The following ST8SIA6 variants were observed in gnomAD, a reference collection of about 807,000 sequenced individuals.
ST8SIA6 encodes the protein ST8 alpha-N-acetyl-neuraminide alpha-2,8-sialyltransferase 6.
In ST8SIA6, 39 loss-of-function variants were observed where a neutral mutation model predicts 33.6. The ratio of observed to expected loss-of-function variants is 1.16; its 90% CI spans 0.90 to 1.52. The LOEUF (loss-of-function observed/expected upper bound fraction) is 1.52, where lower values mean the gene tolerates loss of function less well. ST8SIA6 is among the 40% of genes most tolerant of loss of function. The probability of loss-of-function intolerance (pLI) is 0.00; values close to 1 mark genes in which losing one functional copy is unlikely to be tolerated. For missense variants in ST8SIA6, 441 were observed against 443.8 expected, an observed-to-expected ratio of 0.99 and a Z score of 0.06; for synonymous variants, 172 against 167.2, an observed-to-expected ratio of 1.03 and a Z score of -0.22.
At chr10:17,417,865 A>G (rs1851652573) in intron 2 of ST8SIA6, among the ~76,000 whole-genome samples, 1 of 152,156 alleles carries the variant, frequency 6.6e-6, no homozygotes, top group Admixed American at 6.5e-5. Context: ...GAGGGGTAAG[A>G]CTTGGAGAAA....
chr10:17,450,104 C>G (rs1028388116), intron 2 of ST8SIA6, among the ~76,000 whole-genome samples: 1 of 152,172 alleles, frequency 6.6e-6, no homozygotes, highest in African/African-American at 2.4e-5. Flanking sequence ...TAGCTAGCAA[C>G]AGCTGAGTGA....
intron 2 of ST8SIA6, among the ~76,000 whole-genome samples, chr10:17,444,955 A>T (rs753757007): frequency 2.6e-5 from 4 of 152,264 alleles, no homozygotes; most frequent in Non-Finnish European, 5.9e-5. Flanking sequence ...CTGAATTTTT[A>T]AAATCAGAAC....
rs1199953152 is a variant in ST8SIA6 at position 17,331,536 on chromosome 10, A to G, written c.394T>C (p.Cys132Arg). The G allele has an allele frequency of 2.5e-6, 4 of 1,608,990 alleles. No homozygotes were observed. Among genetic ancestry groups the G allele is most frequent in the African/African-American group, 1.3e-5 (1 of 74,580 alleles). The change falls in exon 5 of 8, where the codon TGC (cysteine) becomes CGC (arginine). Residue 132 changes from cysteine (C) to arginine (R), a missense_variant. Coordinates refer to ENST00000377602, the MANE Select transcript of ST8SIA6 (RefSeq NM_001004470.3). ...ACAAAGTTTTGAACAGCATCACAGCAGGAAGCAAGTTTGGCTCTGCAAAGG... is the reference window on the plus strand; with the variant it reads ...ACAAAGTTTTGAACAGCATCACAGCGGGAAGCAAGTTTGGCTCTGCAAAGG... ...YANFRAKLAS[C>R]CDAVQNFVVS...
intron 2 of ST8SIA6, among the ~76,000 whole-genome samples, chr10:17,422,946 G>A (rs554081956): frequency 1.3e-5 from 2 of 152,292 alleles, no homozygotes; most frequent in South Asian, 4.1e-4. Flanking sequence ...TGATGCACAA[G>A]GCTAATTTCA....
intron 2 of ST8SIA6, among the ~76,000 whole-genome samples, chr10:17,428,601 T>C (rs1325399575): frequency 6.6e-6 from 1 of 151,896 alleles, no homozygotes; most frequent in Admixed American, 6.6e-5. Context: ...CGCTGAGCTG[T>C]GTCTCCAGGG....
chr10:17,346,116 G>A (rs1190457643), intron 4 of ST8SIA6, among the ~76,000 whole-genome samples: 1 of 152,204 alleles, frequency 6.6e-6, no homozygotes, highest in African/African-American at 2.4e-5. Flanking sequence ...AAGGAATTGA[G>A]CCTTCTTGAG....
chr10:17,358,623 AAAG>A (rs950607249), intron 4 of ST8SIA6, among the ~76,000 whole-genome samples: 2 of 150,050 alleles, frequency 1.3e-5, no homozygotes, highest in East Asian at 2.0e-4. Flanking sequence ...GGAAGGAAGG[AAAG>A]AAGGAAGGAA....
At chr10:17,387,928 G>A (rs1441190024) in intron 3 of ST8SIA6, among the ~76,000 whole-genome samples, 2 of 152,262 alleles carry the variant, frequency 1.3e-5, no homozygotes, top group African/African-American at 4.8e-5. Context: ...CAGCTGTGCT[G>A]TGTGTGGTTT....
rs1847836360 is a variant in ST8SIA6 at position 17,318,220 on chromosome 10, T to C, written c.*2658A>G. Among the ~76,000 whole-genome samples the C allele has an allele frequency of 6.6e-6, 1 of 152,074 alleles. No individual in the cohort carries two copies. Among genetic ancestry groups the C allele is most frequent in the East Asian group, 1.9e-4 (1 of 5,196 alleles). ...GAATCCTAACTAAAGGGCTACTTTT[T>C]TTTTTTCTTTTTTGAGACAGGGTCT... is the stretch of plus-strand genomic sequence containing the variant. On this transcript the variant is annotated 3_prime_UTR_variant, in exon 8 of 8. Coordinates refer to ENST00000377602, the MANE Select transcript of ST8SIA6 (RefSeq NM_001004470.3).
At chr10:17,378,295 G>C (rs1176461782) in intron 3 of ST8SIA6, among the ~76,000 whole-genome samples, 1 of 152,094 alleles carries the variant, frequency 6.6e-6, no homozygotes, top group East Asian at 1.9e-4. Context: ...TTTCATCCTC[G>C]CTCACTCAGG....
chr10:17,432,641 C>A (rs1441815520), intron 2 of ST8SIA6, among the ~76,000 whole-genome samples: 1 of 152,162 alleles, frequency 6.6e-6, no homozygotes, highest in Non-Finnish European at 1.5e-5. Context: ...TGATTTAGAT[C>A]CTGCTTAATG....
chr10:17,320,101 T>G lies in ST8SIA6; in HGVS notation c.*777A>C, dbSNP rs192897664. The G allele has an allele frequency of 6.6e-6, 1 of 152,144 alleles. No individual in the cohort carries two copies. Among genetic ancestry groups the G allele is most frequent in the African/African-American group, 2.4e-5 (1 of 41,424 alleles). 9.4% of individuals were successfully genotyped at this position (152,144 alleles called of 1,614,324 possible). ...TTATTCAGTAATTTTAAAATAAAAT[T>G]GAGTGAGTGACCCCACAGGCAAGAC... On this transcript the variant is annotated 3_prime_UTR_variant, in exon 8 of 8. Transcript: ENST00000377602.
At chr10:17,336,626 C>CT (rs1848507972) in intron 4 of ST8SIA6, among the ~76,000 whole-genome samples, 1 of 144,018 alleles carries the variant, frequency 6.9e-6, no homozygotes, top group Non-Finnish European at 1.5e-5. Flanking sequence ...TGGAGTCTCA[C>CT]TACCTCACCC....
chr10:17,415,503 C>T (rs1316362955), intron 2 of ST8SIA6, among the ~76,000 whole-genome samples: 1 of 152,052 alleles, frequency 6.6e-6, no homozygotes, highest in Non-Finnish European at 1.5e-5. Flanking sequence ...ATTCATCTTC[C>T]CTAAAACTCA....
At chr10:17,382,036 GT>G (rs1418789004) in intron 3 of ST8SIA6, among the ~76,000 whole-genome samples, 3 of 152,126 alleles carry the variant, frequency 2.0e-5, no homozygotes. Context: ...CACGGTCTCA[GT>G]TATAATTTTG....
chr10:17,441,226 T>A (rs1852478592), intron 2 of ST8SIA6, among the ~76,000 whole-genome samples: 1 of 152,140 alleles, frequency 6.6e-6, no homozygotes, highest in Non-Finnish European at 1.5e-5. Flanking sequence ...TTTGGACATT[T>A]TCTGTCTGTA....
chr10:17,393,100 G>C (rs1348454534), intron 2 of ST8SIA6, among the ~76,000 whole-genome samples: 1 of 152,202 alleles, frequency 6.6e-6, no homozygotes, highest in East Asian at 1.9e-4. Flanking sequence ...CTCTCTTCTT[G>C]AGCTGGGACG....
intron 2 of ST8SIA6, among the ~76,000 whole-genome samples, chr10:17,397,140 G>A (rs1850834240): frequency 1.3e-5 from 2 of 151,926 alleles, no homozygotes; most frequent in Non-Finnish European, 2.9e-5. Flanking sequence ...TTAGCCTGCT[G>A]GCTTCCTGTA....
intron 3 of ST8SIA6, among the ~76,000 whole-genome samples, chr10:17,389,940 A>G (rs1392655690): frequency 6.6e-6 from 1 of 151,056 alleles, no homozygotes; most frequent in Non-Finnish European, 1.5e-5. Flanking sequence ...TCCTTCCTCA[A>G]CCTCCTGAGT....
Sources: allele counts gnomAD v4.1 joint callset (sites outside exome capture counted in the v4.1 genomes callset), GRCh38; gene constraint gnomAD v4.1.1; transcripts MANE v1.5; gene names NCBI Gene and HGNC (gene_info 2026-07-23, HGNC 2026-07-21).